The following SCNN1D variants were observed in gnomAD, a reference collection of about 807,000 sequenced individuals.
The protein encoded by SCNN1D is sodium channel epithelial 1 subunit delta, also known as epithelial sodium channel subunit delta.
In SCNN1D, 104 loss-of-function variants were observed where a neutral mutation model predicts 87.8. The ratio of observed to expected loss-of-function variants is 1.18; its 90% CI spans 1.01 to 1.39. The LOEUF is 1.39. SCNN1D is among the 40% of genes most tolerant of loss of function. The probability of loss-of-function intolerance (pLI) is 0.00; values close to 1 mark genes in which losing one functional copy is unlikely to be tolerated. For missense variants in SCNN1D, 1,324 were observed against 1,093.9 expected (o/e 1.21, Z -2.97); for synonymous variants, 628 against 481.2 (o/e 1.31, Z -3.99).
rs1461941900 is a variant in SCNN1D, at chr1:1,287,091, C to G, written c.1120-18C>G. On this transcript the variant is annotated intron_variant, in intron 8 of 17. Coordinates refer to ENST00000379116, the MANE Select transcript of SCNN1D (RefSeq NM_001130413.4). ...CTGGGCTGTAGCCACAGAGCTGACCCTCCCTCCCCTCTCCCAGTGCAACAG... is the reference window on the plus strand; with the variant it reads ...CTGGGCTGTAGCCACAGAGCTGACCGTCCCTCCCCTCTCCCAGTGCAACAG... 1 of 1,584,046 alleles carries G rather than the reference C, an allele frequency of 6.3e-7. No homozygotes were observed. The highest frequency in any genetic ancestry group is 1.1e-5 in the South Asian group (1 of 88,134).
chr1:1,286,979 A>G lies in SCNN1D; in HGVS notation c.1119+4A>G, dbSNP rs764562356. On this transcript the variant is annotated splice_donor_region_variant and intron_variant, in intron 8 of 17. Transcript: ENST00000379116. ...GGTCAGAGTGGGGTTCAGACTGGTGAGTGTCCCAGCCGGGGCCTGCAGCCA... is the reference window on the plus strand; with the variant it reads ...GGTCAGAGTGGGGTTCAGACTGGTGGGTGTCCCAGCCGGGGCCTGCAGCCA... 6.2e-7 allele frequency: 1 copy of G among 1,609,852 alleles called. No individual in the cohort carries two copies. Among genetic ancestry groups the G allele is most frequent in the African/African-American group, 1.3e-5 (1 of 74,748 alleles).
rs1357121143 is a variant in SCNN1D, at chr1:1,288,052, G to GC, written c.1662+16dup. On this transcript the variant is annotated intron_variant, in intron 12 of 17. Transcript: ENST00000379116. ...ACACCAGGCAGGTGAGGCTGGGCTG[G>GC]CAGGGGGTGCGGGGGCAGGTGAGGC... is the stretch of plus-strand genomic sequence containing the variant. 1.5e-5 allele frequency: 22 copies of GC among 1,511,918 alleles called. No homozygotes were observed. The highest frequency in any genetic ancestry group is 3.8e-5 in the South Asian group (3 of 79,748). The allele number at this position is 1,511,918 out of a possible 1,614,324, so 93.7% of individuals were successfully genotyped here.
Position 1,282,282 on chromosome 1 carries a change from A to C in SCNN1D, c.318A>C (p.Ser106=). ...GCATGGCTTTCCTCTCCAGGACGTCACCGGTGGCAGCTGCTTCCTTCCAGA... is the reference window on the plus strand; with the variant it reads ...GCATGGCTTTCCTCTCCAGGACGTCCCCGGTGGCAGCTGCTTCCTTCCAGA... ...DSSMAFLSRT[S]PVAAASFQSR... The change falls in exon 4 of 18, where the codon TCA becomes TCC. Residue 106 remains serine (S), a synonymous_variant. Transcript: ENST00000379116. The C allele has an allele frequency of 6.5e-7, 1 of 1,550,080 alleles. No homozygotes were observed. The highest frequency in any genetic ancestry group is 8.7e-7 in the Non-Finnish European group (1 of 1,146,740).
rs1422073059 is a variant in SCNN1D, at chr1:1,280,554, A to G, written c.-108A>G. ...CAGATGAAGGTCTTATCGCAGATGA[A>G]GCCACCAGGTCACAAGCCTCAGAGA... On this transcript the variant is annotated 5_prime_UTR_variant, in exon 1 of 18. Transcript: ENST00000379116. 6.0e-6 allele frequency: 4 copies of G among 662,904 alleles called. No individual in the cohort carries two copies. The African/African-American group carries it at 7.1e-5, about 12-fold the overall frequency. The allele number at this position is 662,904 out of a possible 1,614,324, so 41.1% of individuals were successfully genotyped here.
intron 12 of SCNN1D, among the ~76,000 whole-genome samples, chr1:1,288,472 CCGTCCCGTGTCTCTGCT>C: frequency 9.9e-6 from 1 of 100,776 alleles, no homozygotes; most frequent in Non-Finnish European, 2.0e-5. Flanking sequence ...TGTCTCTGCT[CCGTCCCGTGTCTCTGCT>C]CCGTCCCGTG....
intron 1 of SCNN1D, chr1:1,280,884 A>G: frequency 3.4e-6 from 2 of 584,304 alleles, no homozygotes; most frequent in Non-Finnish European, 3.1e-6. Flanking sequence ...CTCAGCACCC[A>G]CCCAGGCCAG....
Position 1,286,253 on chromosome 1 carries a change from A to ACAGTGGGTT in SCNN1D, c.887_888insAGTGGGTTC (p.Thr296_Leu297insValGlySer). ...GGAGCGCAAGCTGCTCCCGCTGGTC[A>ACAGTGGGTT]CCCTGTGTGACGGGAACCCACGTCG... is the stretch of plus-strand genomic sequence containing the variant. On this transcript the variant is annotated inframe_insertion, in exon 7 of 18. Transcript: ENST00000379116. 6.3e-7 allele frequency: 1 copy of ACAGTGGGTT among 1,587,476 alleles called. No homozygotes were observed. Among genetic ancestry groups the ACAGTGGGTT allele is most frequent in the Non-Finnish European group, 8.5e-7 (1 of 1,171,688 alleles).
intron 4 of SCNN1D, 26 bp downstream of exon 4, chr1:1,282,341 C>T: frequency 6.5e-7 from 1 of 1,549,432 alleles, no homozygotes; most frequent in Non-Finnish European, 8.7e-7. Context: ...CTCCTCAGAG[C>T]CATGGCTCTG....
chr1:1,290,653 C>A lies in SCNN1D; in HGVS notation c.1876C>A (p.Leu626Ile). 1 of 1,612,680 alleles carries A rather than the reference C, an allele frequency of 6.2e-7. No individual in the cohort carries two copies. The highest frequency in any genetic ancestry group is 8.5e-7 in the Non-Finnish European group (1 of 1,179,934). Residue 626 changes from leucine to isoleucine, a missense_variant, in exon 15 of 18, where the codon CTC (leucine) becomes ATC (isoleucine). Coordinates refer to ENST00000379116, the MANE Select transcript of SCNN1D (RefSeq NM_001130413.4). ...CTCTTCCAGGGAGTCTGCATTCAAG[C>A]TCTCCACTGGGACCTCCAGGTGGCC... ...PRPCRESAFK[L>I]STGTSRWPSA...
Position 1,287,810 on chromosome 1 carries a change from A to G in SCNN1D, c.1537A>G (p.Thr513Ala). The stretch of plus-strand genomic sequence containing the variant: ...CCACAGCTTCAGCGTCCGGCCAGGG[A>G]CGGAGGCCACCATCAGCATCCGAGA... ...GHHSFSVRPG[T>A]EATISIREDE... Residue 513 changes from threonine (T) to alanine (A), a missense_variant, in exon 11 of 18, where the codon ACG (threonine) becomes GCG (alanine). Thr to Ala is a moderately conservative substitution (Grantham distance 58). Transcript: ENST00000379116. The G allele has an allele frequency of 6.4e-7, 1 of 1,569,884 alleles. No individual in the cohort carries two copies. The highest frequency in any genetic ancestry group is 2.4e-5 in the East Asian group (1 of 42,248).
chr1:1,281,658 G>C (rs115452779), intron 3 of SCNN1D, 48 bp downstream of exon 3: 21 of 1,501,012 alleles, frequency 1.4e-5, no homozygotes, highest in Non-Finnish European at 1.7e-5. Context: ...GGAGGGGAGG[G>C]GGGTGGAGCC....
chr1:1,282,440 C>T, intron 4 of SCNN1D, 125 bp downstream of exon 4: 1 of 1,121,362 alleles, frequency 8.9e-7, no homozygotes, highest in East Asian at 2.6e-5. Context: ...CAGAGCCTAC[C>T]CTTCCAACCT....
chr1:1,288,724 T>A (rs1376719943), intron 12 of SCNN1D, among the ~76,000 whole-genome samples: 1 of 13,982 alleles, frequency 7.2e-5, no homozygotes, highest in Non-Finnish European at 1.1e-4. Flanking sequence ...CTCCGTCCCG[T>A]GTCTCTGCTC....
At position 1,291,474 on chromosome 1, in the gene SCNN1D, C is replaced by CTGCA; in HGVS notation, c.2274_2277dup (p.Gly760CysfsTer7). On this transcript the variant is annotated frameshift_variant, in exon 18 of 18. Transcript: ENST00000379116. LOFTEE classifies it low-confidence loss of function (END_TRUNC). ...CCAGAGGCCAGTCAGATGCCCCCGC[C>CTGCA]TGCAGGCGGCACGTCAGATGACCCG... The CTGCA allele has an allele frequency of 6.2e-7, 1 of 1,608,916 alleles. No individual in the cohort carries two copies. Among genetic ancestry groups the CTGCA allele is most frequent in the Non-Finnish European group, 8.5e-7 (1 of 1,177,506 alleles).
intron 1 of SCNN1D, 55 bp from the exon 2 acceptor site, chr1:1,281,171 G>A (rs1640461712): frequency 7.9e-7 from 1 of 1,272,826 alleles, no homozygotes; most frequent in Non-Finnish European, 9.5e-7. Flanking sequence ...ACGGGGCTCT[G>A]GGATAGGAGG....
chr1:1,287,984 G>C lies in SCNN1D; in HGVS notation c.1609G>C (p.Gly537Arg), dbSNP rs868523222. Residue 537 changes from glycine (G) to arginine (R), a missense_variant, in exon 12 of 18, where the codon GGC becomes CGC. Gly to Arg is a moderately radical substitution (Grantham distance 125). Transcript: ENST00000379116. ...GAGCCCCTACGGCCACTGCACCGCC[G>C]GCGGGGAAGGCGTGGAGGTGGAGCT... ...LGSPYGHCTA[G>R]GEGVEVELLH... 1 of 1,546,462 alleles carries C rather than the reference G, an allele frequency of 6.5e-7. No homozygotes were observed. The highest frequency in any genetic ancestry group is 2.4e-5 in the East Asian group (1 of 40,856).
At position 1,286,236 on chromosome 1, in the gene SCNN1D, A is replaced by G; in HGVS notation, c.869A>G (p.Lys290Arg). The change falls in exon 7 of 18, where the codon AAG becomes AGG. Residue 290 changes from lysine to arginine, a missense_variant. Transcript: ENST00000379116. Reference protein sequence around the residue: ...LMAVSVHSERKLLPLVTLCDG... With the variant: ...LMAVSVHSERRLLPLVTLCDG... ...GCCGTCTCTGTGCACTCGGAGCGCAAGCTGCTCCCGCTGGTCACCCTGTGT... is the reference window on the plus strand; with the variant it reads ...GCCGTCTCTGTGCACTCGGAGCGCAGGCTGCTCCCGCTGGTCACCCTGTGT... The G allele has an allele frequency of 1.3e-6, 2 of 1,595,196 alleles. No homozygotes were observed. Among genetic ancestry groups the G allele is most frequent in the East Asian group, 2.2e-5 (1 of 44,470 alleles).
rs1491185974 is a variant in SCNN1D, at chr1:1,288,240, C to CT, written c.1662+203_1662+204insT. Reference sequence around the variant, plus strand: ...TCCGTCCCGTGTCTCTGCTCCGTCCCGTGTCTCTGCTCCGTCCCGTGTCTC... The same window carrying CT: ...TCCGTCCCGTGTCTCTGCTCCGTCCCTGTGTCTCTGCTCCGTCCCGTGTCTC... On this transcript the variant is annotated intron_variant, in intron 12 of 17. Coordinates refer to ENST00000379116, the MANE Select transcript of SCNN1D (RefSeq NM_001130413.4). Among the ~76,000 whole-genome samples, 525 of 126,946 alleles carry CT rather than the reference C, an allele frequency of 4.1e-3. 8 individuals carry two copies. Among genetic ancestry groups the CT allele is most frequent in the African/African-American group, 0.016 (490 of 30,386 alleles). 83.3% of individuals were successfully genotyped at this position (126,946 alleles called of 152,430 possible).
chr1:1,283,421 G>A (rs1420169522), intron 4 of SCNN1D, among the ~76,000 whole-genome samples: 5 of 152,104 alleles, frequency 3.3e-5, no homozygotes, highest in East Asian at 1.9e-4. Flanking sequence ...CTTCTGGGCC[G>A]GGCACGGTGG....
Sources: gnomAD v4.1 joint callset for allele counts (sites outside exome capture counted in the v4.1 genomes callset) on GRCh38, gnomAD v4.1.1 for gene constraint, MANE v1.5 for transcripts, NCBI Gene and HGNC (gene_info 2026-07-23, HGNC 2026-07-21) for gene names.